Variants in PAPLN observed in about 807,000 individuals in gnomAD.
PAPLN encodes papilin, proteoglycan like sulfated glycoprotein, also known as papilin.
In PAPLN, 146 loss-of-function variants were observed where a neutral mutation model predicts 159.0. The ratio of observed to expected loss-of-function variants is 0.92; its 90% confidence interval spans 0.80 to 1.05. The LOEUF is 1.05. Ranked by LOEUF, PAPLN falls within the 50% of genes least tolerant of loss-of-function variation. The pLI is 0.00. For synonymous variants in PAPLN, 734 were observed against 702.9 expected (o/e 1.04, Z -0.70); for missense variants, 1,720 against 1,743.9 (o/e 0.99, Z 0.24).
chr14:73,252,836 C>G, intron 11 of PAPLN, 61 bp downstream of exon 11: 1 of 1,600,398 alleles, frequency 6.2e-7, no homozygotes, highest in Non-Finnish European at 8.5e-7. Flanking sequence ...GGGAAGGGAA[C>G]AAGGCCTCCA....
In PAPLN at chr14:73,269,563, G is replaced by C. The variant is rs138192106; in HGVS notation, c.3667+840G>C. 8.8e-4 allele frequency among the ~76,000 whole-genome samples: 134 copies of C among 152,324 alleles called. 1 individual carries two copies. Among genetic ancestry groups the C allele is most frequent in the African/African-American group, 1.8e-3 (73 of 41,574 alleles). ...AGTGCATATCAGAACTGATGAAACA[G>C]ATTGTGGTTCAGAGTTCACACTTAC... is the stretch of plus-strand genomic sequence containing the variant. On this transcript the variant is annotated intron_variant, in intron 26 of 26. Coordinates refer to ENST00000644200, the MANE Select transcript of PAPLN (RefSeq NM_001365906.3).
rs780552722 is a variant in PAPLN, at chr14:73,252,082, G to C, written c.908G>C (p.Ser303Thr). 6.2e-7 allele frequency: 1 copy of C among 1,611,606 alleles called. No homozygotes were observed. Among genetic ancestry groups the C allele is most frequent in the Admixed American group, 1.7e-5 (1 of 59,818 alleles). The stretch of plus-strand genomic sequence containing the variant: ...TACCACCTGCCCCTGCGCCGCCCCA[G>C]CCCCGGCTTCAGCTGGAGCCACGGC... ...YEYHLPLRRPSPGFSWSHGSW... is the reference protein window; with the variant it reads ...YEYHLPLRRPTPGFSWSHGSW... The change falls in exon 10 of 27, where the codon AGC (serine) becomes ACC (threonine). Residue 303 changes from serine (S) to threonine (T), a missense_variant. By Grantham distance (58) the Ser-to-Thr change is moderately conservative. Transcript: ENST00000644200.
rs544361720 is a variant in PAPLN, at chr14:73,272,704, T to C, written c.*40T>C. 60 of 1,457,992 alleles carry C rather than the reference T, an allele frequency of 4.1e-5. 1 individual carries two copies. The South Asian group carries it at 7.2e-4, about 18-fold the overall frequency. The allele number at this position is 1,457,992 out of a possible 1,614,324, so 90.3% of individuals were successfully genotyped here. A position where few individuals can be genotyped will look rare whatever the true frequency, so the allele number is the denominator to read the frequency against. On this transcript the variant is annotated 3_prime_UTR_variant, in exon 27 of 27. Transcript: ENST00000644200. The stretch of plus-strand genomic sequence containing the variant: ...TCCAGCCCCAGTCCAAAATAGTTCA[T>C]AGGGCTAGGGAGAAAGGAAGATGGA...
chr14:73,258,618 T>TAAAAAAAAAAAAA lies in PAPLN; in HGVS notation c.1628-353_1628-341dup, dbSNP rs57126237. On this transcript the variant is annotated intron_variant, in intron 14 of 26. Coordinates refer to ENST00000644200, the MANE Select transcript of PAPLN (RefSeq NM_001365906.3). ...GGGCAATATAGAAAGACCCTATCTCTAAAAAAAAAAAAAAAAAAAAGTAGT... is the reference window on the plus strand; with the variant it reads ...GGGCAATATAGAAAGACCCTATCTCTAAAAAAAAAAAAAAAAAAAAAAAAAAAAAAAAAGTAGT... Among the ~76,000 whole-genome samples the TAAAAAAAAAAAAA allele has an allele frequency of 1.5e-4, 11 of 75,758 alleles. 1 individual carries two copies. Among genetic ancestry groups the TAAAAAAAAAAAAA allele is most frequent in the East Asian group, 6.7e-4 (1 of 1,484 alleles). The allele number at this position is 75,758 out of a possible 152,430, so 49.7% of individuals were successfully genotyped here. A position where few individuals can be genotyped will look rare whatever the true frequency, so the allele number is the denominator to read the frequency against.
At position 73,245,595 on chromosome 14, in the gene PAPLN, T is replaced by C. The variant is rs2242609; in HGVS notation, c.171-41T>C. On this transcript the variant is annotated intron_variant, in intron 3 of 26. Coordinates refer to ENST00000644200, the MANE Select transcript of PAPLN (RefSeq NM_001365906.3). The surrounding 1 kb of genome is among the most constrained non-coding windows in gnomAD (Gnocchi z 4.2). ...GAGCCCCAGAACGGGGGCAGGGACG[T>C]TGGGTCTCGGTCAGGTCTTCCCGGT... 37 of 1,543,974 alleles carry C rather than the reference T, an allele frequency of 2.4e-5. 1 individual carries two copies. In the Middle Eastern group the frequency reaches 4.0e-3, roughly 167 times the overall value.
At position 73,245,927 on chromosome 14, in the gene PAPLN, G is replaced by T; in HGVS notation, c.232-146G>T. 1.1e-6 allele frequency: 1 copy of T among 928,454 alleles called. No homozygotes were observed. The highest frequency in any genetic ancestry group is 1.6e-6 in the Non-Finnish European group (1 of 640,554). The allele number at this position is 928,454 out of a possible 1,614,324, so 57.5% of individuals were successfully genotyped here. A position where few individuals can be genotyped will look rare whatever the true frequency, so the allele number is the denominator to read the frequency against. On this transcript the variant is annotated intron_variant, in intron 4 of 26. Transcript: ENST00000644200. The surrounding 1 kb of genome is among the most constrained non-coding windows in gnomAD (Gnocchi z 4.2). ...ATGGAGGGGCACGCACAGGAGTTCG[G>T]GGGTCCGGGGGGCGGACTCCACCTC...
chr14:73,251,844 G>A lies in PAPLN; in HGVS notation c.843+8G>A. On this transcript the variant is annotated splice_region_variant and intron_variant, in intron 9 of 26. Coordinates refer to ENST00000644200, the MANE Select transcript of PAPLN (RefSeq NM_001365906.3). The stretch of plus-strand genomic sequence containing the variant: ...GAGCCCCTGGTCATCGAGGTAAATG[G>A]GGGTGTGGGGAGAGAGGGCGAGTGG... The A allele has an allele frequency of 6.3e-7, 1 of 1,588,476 alleles. No individual in the cohort carries two copies. The highest frequency in any genetic ancestry group is 8.5e-7 in the Non-Finnish European group (1 of 1,169,984).
intron 2 of PAPLN, 114 bp downstream of exon 2, chr14:73,239,946 C>G: frequency 6.9e-7 from 1 of 1,441,184 alleles, no homozygotes; most frequent in Non-Finnish European, 9.1e-7. Flanking sequence ...GGAAGCTGGG[C>G]TGGGAGGAGG....
At chr14:73,264,170 G>A (rs375013708) in intron 20 of PAPLN, 41 bp from the exon 21 acceptor site, 6 of 1,610,858 alleles carry the variant, frequency 3.7e-6, no homozygotes, top group African/African-American at 2.7e-5. Context: ...TGTTGCCCTT[G>A]GGAGCCCAGA....
chr14:73,236,298 T>G (rs1040280338), upstream of PAPLN, among the ~76,000 whole-genome samples: 2 of 152,186 alleles, frequency 1.3e-5, no homozygotes, highest in Non-Finnish European at 2.9e-5. Context: ...TGGGGCTGCA[T>G]TGCAGGCCCT....
chr14:73,236,311 CCCCCGGGA>C (rs1349879723), upstream of PAPLN, among the ~76,000 whole-genome samples: 1 of 152,160 alleles, frequency 6.6e-6, no homozygotes, highest in African/African-American at 2.4e-5. Context: ...CAGGCCCTGC[CCCCCGGGA>C]CTCACAGCTG....
In PAPLN at chr14:73,266,532, A is replaced by T. The variant is rs1257298696; in HGVS notation, c.3295A>T (p.Ile1099Phe). The change falls in exon 24 of 27, where the codon ATT (isoleucine) becomes TTT (phenylalanine). Residue 1099 changes from isoleucine (I) to phenylalanine (F), a missense_variant. Ile to Phe is a conservative substitution (Grantham distance 21). Transcript: ENST00000644200. Reference protein sequence around the residue: ...HQLQPDGSLVISRVAVEDGGF... With the variant: ...HQLQPDGSLVFSRVAVEDGGF... ...GCTGCAGCCTGATGGCTCCCTGGTC[A>T]TTAGCCGAGTGGCTGTAGAAGATGG... The T allele has an allele frequency of 6.2e-7, 1 of 1,614,162 alleles. No homozygotes were observed. The highest frequency in any genetic ancestry group is 1.3e-5 in the African/African-American group (1 of 75,056).
intron 14 of PAPLN, among the ~76,000 whole-genome samples, chr14:73,257,307 A>T (rs370362982): frequency 6.6e-6 from 1 of 152,060 alleles, no homozygotes; most frequent in Admixed American, 6.6e-5. Context: ...CTTCCATTAT[A>T]TAGTAATATG....
At chr14:73,263,909 TGTG>T in intron 20 of PAPLN, 127 bp downstream of exon 20, 1 of 977,012 alleles carries the variant, frequency 1.0e-6, no homozygotes, top group Non-Finnish European at 1.5e-6. Context: ...CTTTGACAGG[TGTG>T]TGTGACAGCC....
At position 73,245,243 on chromosome 14, in the gene PAPLN, C is replaced by A. The variant is rs1423201581; in HGVS notation, c.171-393C>A. 8.7e-6 allele frequency: 2 copies of A among 229,454 alleles called. No homozygotes were observed. Among genetic ancestry groups the A allele is most frequent in the Non-Finnish European group, 1.7e-5 (2 of 114,642 alleles). 14.2% of individuals were successfully genotyped at this position (229,454 alleles called of 1,614,324 possible). A position where few individuals can be genotyped will look rare whatever the true frequency, so the allele number is the denominator to read the frequency against. ...TTTGTATAGGGGTTGTTCCTGAGAA[C>A]CCTATGTGAGGAGGAATGAGAGACC... On this transcript the variant is annotated intron_variant, in intron 3 of 26. Coordinates refer to ENST00000644200, the MANE Select transcript of PAPLN (RefSeq NM_001365906.3). The surrounding 1 kb of genome is among the most constrained non-coding windows in gnomAD (Gnocchi z 4.2).
rs2140272714 is a variant in PAPLN at position 73,259,381 on chromosome 14, C to T, written c.1821C>T (p.Gly607=). Residue 607 remains glycine (G), a synonymous_variant, in exon 16 of 27, where the codon GGC becomes GGT. Coordinates refer to ENST00000644200, the MANE Select transcript of PAPLN (RefSeq NM_001365906.3). ...AAGGCACCCACCTGTCAGCCCTGGGCCCCGCTCCCTCTCTGCAGCAGCCCC... is the reference window on the plus strand; with the variant it reads ...AAGGCACCCACCTGTCAGCCCTGGGTCCCGCTCCCTCTCTGCAGCAGCCCC... ...GDQGTHLSAL[G]PAPSLQQPPY... is the part of the protein sequence containing the mutation. The T allele has an allele frequency of 6.2e-7, 1 of 1,612,362 alleles. No individual in the cohort carries two copies. Among genetic ancestry groups the T allele is most frequent in the African/African-American group, 1.3e-5 (1 of 75,006 alleles).
chr14:73,239,788 C>T lies in PAPLN; in HGVS notation c.10C>T (p.Leu4Phe), dbSNP rs1378137214. The change falls in exon 2 of 27, where the codon CTC becomes TTC. Residue 4 changes from leucine (L) to phenylalanine (F), a missense_variant. Physicochemically the swap from Leu to Phe is conservative, Grantham distance 22. Coordinates refer to ENST00000644200, the MANE Select transcript of PAPLN (RefSeq NM_001365906.3). ...TCTCCCGCAGGCTGAGATGCGGCTG[C>T]TCCTGCTCGTGCCGCTGCTGCTGGC... MRL[L>F]LLVPLLLAPA... is the part of the protein sequence containing the mutation. 1.3e-6 allele frequency: 2 copies of T among 1,593,610 alleles called. No homozygotes were observed. Among genetic ancestry groups the T allele is most frequent in the Non-Finnish European group, 1.7e-6 (2 of 1,176,226 alleles).
At position 73,252,893 on chromosome 14, in the gene PAPLN, A is replaced by G. The variant is rs193033578; in HGVS notation, c.1094+118A>G. 3.4e-4 allele frequency: 510 copies of G among 1,489,074 alleles called. 2 individuals carry two copies. In the African/African-American group the frequency reaches 5.2e-3, roughly 15 times the overall value. The allele number at this position is 1,489,074 out of a possible 1,614,324, so 92.2% of individuals were successfully genotyped here. On this transcript the variant is annotated intron_variant, in intron 11 of 26. Coordinates refer to ENST00000644200, the MANE Select transcript of PAPLN (RefSeq NM_001365906.3). ...AAGAGGTGGGGGTCCAGGGCCCCCCACGCTGTGGCTGGGGTGTGGGAGAGG... is the reference window on the plus strand; with the variant it reads ...AAGAGGTGGGGGTCCAGGGCCCCCCGCGCTGTGGCTGGGGTGTGGGAGAGG...
In PAPLN at chr14:73,268,668, C is replaced by CG. The variant is rs756232550; in HGVS notation, c.3612_3613insG (p.Tyr1205ValfsTer41). 1 of 1,613,878 alleles carries CG rather than the reference C, an allele frequency of 6.2e-7. No individual in the cohort carries two copies. The highest frequency in any genetic ancestry group is 1.7e-5 in the Admixed American group (1 of 60,010). On this transcript the variant is annotated frameshift_variant, in exon 26 of 27. Transcript: ENST00000644200. LOFTEE classifies it high-confidence loss of function. ...ATGAGGGCTCCTACACGTGCAGTGC[C>CG]TACCAGGGGAGCCAGGCAGTCAGCC...
Sources: gnomAD v4.1 joint callset for allele counts (sites outside exome capture counted in the v4.1 genomes callset) on GRCh38, gnomAD v4.1.1 for gene constraint, Gnocchi (gnomAD v3.1) non-coding constraint, MANE v1.5 for transcripts, NCBI Gene and HGNC (gene_info 2026-07-23, HGNC 2026-07-21) for gene names.